Variants in PRKG1 observed in about 807,000 individuals in gnomAD.
The protein encoded by PRKG1 is cGMP-dependent protein kinase 1.
Under a neutral mutation model 88.1 loss-of-function variants are expected in PRKG1, and 35 were observed. That is an observed-to-expected ratio of 0.40 (90% CI 0.30 to 0.53). PRKG1 has a LOEUF of 0.53. PRKG1 is among the 20% of genes least tolerant of loss of function. PRKG1 has a pLI of 0.59. For synonymous variants in PRKG1, 303 were observed against 292.5 expected (o/e 1.04, Z -0.37); for missense variants, 540 against 839.8 (o/e 0.64, Z 4.41).
chr10:51,605,989 G>A (rs542784853), intron 3 of PRKG1, among the ~76,000 whole-genome samples: 1 of 152,116 alleles, frequency 6.6e-6, no homozygotes, highest in Non-Finnish European at 1.5e-5. Flanking sequence ...TAACGCATCT[G>A]GGACTAGCTA....
chr10:51,812,345 G>T (rs960722799), intron 4 of PRKG1, among the ~76,000 whole-genome samples: 7 of 152,170 alleles, frequency 4.6e-5, no homozygotes, highest in African/African-American at 1.7e-4. Flanking sequence ...TACGACAAAC[G>T]TGGCAAAACT....
intron 9 of PRKG1, among the ~76,000 whole-genome samples, chr10:52,202,975 T>C (rs1310658350): frequency 2.0e-5 from 3 of 152,108 alleles, no homozygotes; most frequent in African/African-American, 7.2e-5. Context: ...AACTTCTGGT[T>C]TTATTGATCT....
chr10:51,482,278 AT>A (rs367598518), intron 3 of PRKG1, among the ~76,000 whole-genome samples: 16 of 152,264 alleles, frequency 1.1e-4, no homozygotes, highest in African/African-American at 3.8e-4. Context: ...CTGAATTTAA[AT>A]TTCTAAAATC....
intron 8 of PRKG1, among the ~76,000 whole-genome samples, chr10:52,153,992 G>A (rs937304769): frequency 2.0e-5 from 3 of 152,066 alleles, no homozygotes; most frequent in African/African-American, 4.8e-5. Flanking sequence ...TGATCCACCC[G>A]TCTTGGCCTC....
chr10:51,375,737 AAT>A (rs1203584443), intron 2 of PRKG1, among the ~76,000 whole-genome samples: 2 of 149,502 alleles, frequency 1.3e-5, no homozygotes, highest in Non-Finnish European at 3.0e-5. Context: ...ATAAATATAT[AAT>A]ATGAGTGTTG....
intron 5 of PRKG1, among the ~76,000 whole-genome samples, chr10:51,998,286 C>A (rs1298191805): frequency 1.3e-5 from 2 of 152,072 alleles, no homozygotes; most frequent in East Asian, 3.9e-4. Context: ...ATTATACTGT[C>A]CATGACATTG....
At chr10:51,324,617 T>C (rs1009235314) in intron 2 of PRKG1, among the ~76,000 whole-genome samples, 4 of 149,652 alleles carry the variant, frequency 2.7e-5, no homozygotes, top group East Asian at 3.9e-4. Flanking sequence ...GGCGGGCGCC[T>C]GTAATCCCAG....
chr10:51,044,737 G>C (rs1479886161), intron 1 of PRKG1, among the ~76,000 whole-genome samples: 2 of 152,098 alleles, frequency 1.3e-5, no homozygotes, highest in Non-Finnish European at 2.9e-5. Context: ...GTTGGGCTAG[G>C]TGGGGAGAGT....
chr10:51,937,743 T>C (rs1842825802), intron 5 of PRKG1, among the ~76,000 whole-genome samples: 1 of 152,116 alleles, frequency 6.6e-6, no homozygotes, highest in South Asian at 2.1e-4. Flanking sequence ...TGATTTCCAC[T>C]GACTGAGAGT....
intron 1 of PRKG1, among the ~76,000 whole-genome samples, chr10:51,044,621 C>T (rs774091944): frequency 6.6e-6 from 1 of 151,764 alleles, no homozygotes; most frequent in Non-Finnish European, 1.5e-5. Context: ...CTTTATTCTC[C>T]ACACCACATA....
chr10:51,441,908 C>G (rs1201880806), intron 2 of PRKG1, among the ~76,000 whole-genome samples: 1 of 151,772 alleles, frequency 6.6e-6, no homozygotes, highest in African/African-American at 2.4e-5. Flanking sequence ...TGATTCTTGC[C>G]TCTAAGCTAT....
chr10:52,025,090 G>GACA (rs1589530211), intron 5 of PRKG1, among the ~76,000 whole-genome samples: 2 of 152,154 alleles, frequency 1.3e-5, no homozygotes, highest in South Asian at 4.1e-4. Context: ...GTGATGATGA[G>GACA]CATTTTTTCA....
At chr10:52,278,986 C>T (rs1406910471) in intron 12 of PRKG1, among the ~76,000 whole-genome samples, 1 of 151,068 alleles carries the variant, frequency 6.6e-6, no homozygotes. Flanking sequence ...TTTTGTTTTG[C>T]TTTGCAATGC....
In PRKG1 at chr10:51,939,854, T is replaced by C. The variant is rs201263612; in HGVS notation, c.762+32284T>C. On this transcript the variant is annotated intron_variant, in intron 5 of 17. Coordinates refer to ENST00000373980, the MANE Select transcript of PRKG1 (RefSeq NM_006258.4). The stretch of plus-strand genomic sequence containing the variant: ...AAATGTGGTTTGCTATGAAAAGTTA[T>C]GCTGATGAGTGATCCTGTTTACATT... Among the ~76,000 whole-genome samples the C allele has an allele frequency of 1.8e-4, 28 of 151,780 alleles. No individual in the cohort carries two copies. The East Asian group carries it at 3.9e-3, about 21-fold the overall frequency.
intron 2 of PRKG1, among the ~76,000 whole-genome samples, chr10:51,352,335 G>A (rs1364284044): frequency 2.0e-5 from 3 of 151,812 alleles, no homozygotes; most frequent in East Asian, 1.9e-4. Context: ...AAATTACTTC[G>A]GGAAGTATGG....
At chr10:51,643,786 C>CA (rs1254730694) in intron 3 of PRKG1, among the ~76,000 whole-genome samples, 2 of 152,052 alleles carry the variant, frequency 1.3e-5, no homozygotes, top group Non-Finnish European at 2.9e-5. Flanking sequence ...CAAAACAAAA[C>CA]AAAAATACAA....
At chr10:51,288,102 T>C (rs1308045198) in intron 2 of PRKG1, among the ~76,000 whole-genome samples, 2 of 136,692 alleles carry the variant, frequency 1.5e-5, no homozygotes, top group Admixed American at 6.9e-5. Context: ...CTAGAGGATT[T>C]TTTTCTTCCT....
At chr10:51,944,979 T>C (rs1438297479) in intron 5 of PRKG1, among the ~76,000 whole-genome samples, 1 of 151,458 alleles carries the variant, frequency 6.6e-6, no homozygotes, top group African/African-American at 2.4e-5. Flanking sequence ...GTCTGCTTGG[T>C]GCAGAGCTGA....
intron 3 of PRKG1, among the ~76,000 whole-genome samples, chr10:51,598,536 G>A (rs1483734666): frequency 6.6e-6 from 1 of 152,180 alleles, no homozygotes; most frequent in East Asian, 1.9e-4. Context: ...GGAATTATAG[G>A]CGTCAGCCAC....
Sources: gnomAD v4.1 joint callset for allele counts (sites outside exome capture counted in the v4.1 genomes callset) on GRCh38, gnomAD v4.1.1 for gene constraint, MANE v1.5 for transcripts, NCBI Gene and HGNC (gene_info 2026-07-23, HGNC 2026-07-21) for gene names.